RYR1: variants seen among roughly 807,000 people sequenced by gnomAD.
RYR1 encodes the protein central core disease of muscle.
A neutral mutation model predicts 583.5 loss-of-function variants in RYR1; 342 were observed. The observed-to-expected ratio is 0.59, with a 90% CI of 0.54 to 0.64. The LOEUF (loss-of-function observed/expected upper bound fraction) is 0.64, where lower values mean the gene tolerates loss of function less well. Among genes scored for constraint, RYR1 ranks in the 30% least tolerant of loss-of-function variants. RYR1 has a pLI of 0.00. For synonymous variants in RYR1, 2,791 were observed against 2,822.5 expected (o/e 0.99, Z 0.35); for missense variants, 6,032 against 6,917.2 (o/e 0.87, Z 4.54).
intron 92 of RYR1, 72 bp downstream of exon 92, chr19:38,567,059 T>G (rs548893847): frequency 1.3e-6 from 2 of 1,546,372 alleles, no homozygotes; most frequent in Non-Finnish European, 1.7e-6. Flanking sequence ...CCTCCAGAGG[T>G]CAGGCCCCAA....
intron 70 of RYR1, among the ~76,000 whole-genome samples, chr19:38,524,933 G>C (rs1971402536): frequency 6.6e-6 from 1 of 152,110 alleles, no homozygotes; most frequent in South Asian, 2.1e-4. Flanking sequence ...GGGAAAATCT[G>C]GATGGGCCTG....
chr19:38,578,598 C>T (rs901019019), intron 99 of RYR1, among the ~76,000 whole-genome samples: 13 of 150,476 alleles, frequency 8.6e-5, no homozygotes, highest in Admixed American at 4.6e-4. Context: ...TTTGGGAGGC[C>T]GAGGCAGGCA....
rs188334988 is a variant in RYR1 at position 38,442,815 on chromosome 19, G to A, written c.270+362G>A. Among the ~76,000 whole-genome samples the A allele has an allele frequency of 9.2e-5, 14 of 152,238 alleles. No homozygotes were observed. The East Asian group carries it at 2.7e-3, about 29-fold the overall frequency. On this transcript the variant is annotated intron_variant, in intron 3 of 105. Transcript: ENST00000359596. ...TGGGGGCTTCTGAGCCCCTGTCCCC[G>A]ACGCCTGCTCCTTTCTCCTCTTTCC...
At chr19:38,452,213 G>A (rs1291366069) in intron 12 of RYR1, among the ~76,000 whole-genome samples, 1 of 151,220 alleles carries the variant, frequency 6.6e-6, no homozygotes, top group Non-Finnish European at 1.5e-5. Flanking sequence ...GAGGCGGGCA[G>A]ATCGCTTGAG....
At chr19:38,511,708 G>C in intron 61 of RYR1, 98 bp downstream of exon 61, 1 of 1,415,896 alleles carries the variant, frequency 7.1e-7, no homozygotes, top group Non-Finnish European at 1.0e-6. Context: ...AACAACCTTT[G>C]TTGTTTTCTT....
At chr19:38,469,604 T>C (rs1968310656) in intron 27 of RYR1, 91 bp downstream of exon 27, 2 of 1,307,542 alleles carry the variant, frequency 1.5e-6, no homozygotes, top group Middle Eastern at 1.8e-4. Context: ...TTTCCCTCCA[T>C]GTTAGGACAC....
chr19:38,532,004 A>G (rs1046042430), intron 76 of RYR1, among the ~76,000 whole-genome samples: 11 of 152,230 alleles, frequency 7.2e-5, no homozygotes, highest in Admixed American at 6.5e-4. Context: ...CCACACAGAT[A>G]AAAGTCCTCA....
At chr19:38,476,252 G>T (rs972002889) in intron 29 of RYR1, among the ~76,000 whole-genome samples, 1 of 152,102 alleles carries the variant, frequency 6.6e-6, no homozygotes, top group Non-Finnish European at 1.5e-5. Context: ...AGGCTGGAGT[G>T]CAGTGGCGCG....
chr19:38,565,572 G>C lies in RYR1; in HGVS notation c.13238G>C (p.Gly4413Ala). ...ADGEGASEGA[G>A]DAAEGAGDEE... ...GGCGAGGGTGCCAGCGAGGGCGCTGGAGACGCCGCGGAGGGCGCTGGAGAC... is the reference window on the plus strand; with the variant it reads ...GGCGAGGGTGCCAGCGAGGGCGCTGCAGACGCCGCGGAGGGCGCTGGAGAC... Residue 4413 changes from glycine (G) to alanine (A), a missense_variant, in exon 91 of 106, where the codon GGA becomes GCA. Around this residue, in one of 11 missense-constraint regions of RYR1, gnomAD observed 753 missense variants for 759.6 expected, o/e 0.99. Transcript: ENST00000359596. This position sits in a 1 kb window ranked among gnomAD's most constrained non-coding sequence, Gnocchi z 4.7. 1 of 1,474,312 alleles carries C rather than the reference G, an allele frequency of 6.8e-7. No individual in the cohort carries two copies. The highest frequency in any genetic ancestry group is 8.9e-7 in the Non-Finnish European group (1 of 1,119,678). The allele number at this position is 1,474,312 out of a possible 1,614,324, so 91.3% of individuals were successfully genotyped here.
In RYR1 at chr19:38,496,174, C is replaced by T. The variant is rs1437851207; in HGVS notation, c.6549-41C>T. ...AGTGGTGGCTATGGCCCTCTCCGGA[C>T]CTGGGCCCCTGGTGACCCCGCACAC... On this transcript the variant is annotated intron_variant, in intron 39 of 105. Transcript: ENST00000359596. The surrounding 1 kb of genome is among the most constrained non-coding windows in gnomAD (Gnocchi z 4.8). 1 of 1,556,578 alleles carries T rather than the reference C, an allele frequency of 6.4e-7. No individual in the cohort carries two copies.
chr19:38,552,200 C>T (rs1972694066), intron 89 of RYR1, among the ~76,000 whole-genome samples: 1 of 151,774 alleles, frequency 6.6e-6, no homozygotes, highest in Admixed American at 6.6e-5. Flanking sequence ...AATCAGCCCA[C>T]CTCAGGCTCC....
At chr19:38,460,045 C>T (rs983303447) in intron 19 of RYR1, among the ~76,000 whole-genome samples, 8 of 152,128 alleles carry the variant, frequency 5.3e-5, no homozygotes, top group African/African-American at 1.9e-4. Flanking sequence ...TTGGTCTCCC[C>T]AACCTTCCAA....
intron 89 of RYR1, among the ~76,000 whole-genome samples, chr19:38,556,960 G>T (rs1191693317): frequency 4.0e-5 from 6 of 151,776 alleles, no homozygotes; most frequent in Non-Finnish European, 1.5e-5. Context: ...CCACCAGGAG[G>T]CACCTCCTTT....
chr19:38,470,166 CAA>C (rs543598381), intron 27 of RYR1, among the ~76,000 whole-genome samples: 9 of 113,714 alleles, frequency 7.9e-5, no homozygotes, highest in Non-Finnish European at 5.6e-5. Flanking sequence ...AACTCCATCT[CAA>C]AAAAAAAAAA....
chr19:38,462,070 G>T (rs920234991), intron 20 of RYR1, among the ~76,000 whole-genome samples: 3 of 152,106 alleles, frequency 2.0e-5, no homozygotes, highest in Non-Finnish European at 4.4e-5. Flanking sequence ...AAGAAAGAAA[G>T]AAAGGACTGT....
Position 38,561,973 on chromosome 19 carries a change from A to G in RYR1, c.12624+519A>G, listed in dbSNP as rs746756188. On this transcript the variant is annotated intron_variant, in intron 90 of 105. Coordinates refer to ENST00000359596, the MANE Select transcript of RYR1 (RefSeq NM_000540.3). The surrounding 1 kb of genome is among the most constrained non-coding windows in gnomAD (Gnocchi z 4.8). ...CATGCTGACCCACCCTTCACCAGTC[A>G]TCACGTTTGCCCCCAGATGCCTTCT... Among the ~76,000 whole-genome samples the G allele has an allele frequency of 5.9e-5, 9 of 151,970 alleles. No individual in the cohort carries two copies. The highest frequency in any genetic ancestry group is 1.0e-4 in the Non-Finnish European group (7 of 67,992).
chr19:38,485,225 C>T (rs1969221142), intron 33 of RYR1, among the ~76,000 whole-genome samples: 1 of 152,134 alleles, frequency 6.6e-6, no homozygotes, highest in African/African-American at 2.4e-5. Flanking sequence ...AAGTCCCAGA[C>T]CATCCCAGGG....
At chr19:38,436,127 C>G (rs1972416267) in intron 1 of RYR1, among the ~76,000 whole-genome samples, 1 of 151,882 alleles carries the variant, frequency 6.6e-6, no homozygotes, top group South Asian at 2.1e-4. Flanking sequence ...CCAGGCTGGT[C>G]TTGAACTCCT....
At chr19:38,570,206 C>G (rs1242081236) in intron 93 of RYR1, among the ~76,000 whole-genome samples, 1 of 151,828 alleles carries the variant, frequency 6.6e-6, no homozygotes, top group Non-Finnish European at 1.5e-5. Flanking sequence ...GCCTGTAATC[C>G]CAGCACTTAG....
Sources: allele counts gnomAD v4.1 joint callset (sites outside exome capture counted in the v4.1 genomes callset), GRCh38; gene constraint gnomAD v4.1.1; regional missense constraint gnomAD v4.1.1; non-coding constraint Gnocchi (gnomAD v3.1); transcripts MANE v1.5; gene names NCBI Gene and HGNC (gene_info 2026-07-23, HGNC 2026-07-21).